CNTN5: variants seen among roughly 807,000 people sequenced by gnomAD.
CNTN5 encodes contactin-5.
Under a neutral mutation model 129.1 loss-of-function variants are expected in CNTN5, and 77 were observed. The observed-to-expected ratio is 0.60, with a 90% CI of 0.50 to 0.72. CNTN5 has a LOEUF of 0.72. Among genes scored for constraint, CNTN5 ranks in the 30% least tolerant of loss-of-function variants. The probability of loss-of-function intolerance (pLI) is 0.00; values close to 1 mark genes in which losing one functional copy is unlikely to be tolerated. For missense variants in CNTN5, 1,478 were observed against 1,328.8 expected, an observed-to-expected ratio of 1.11 and a Z score of -1.75; for synonymous variants, 509 against 465.6, an observed-to-expected ratio of 1.09 and a Z score of -1.20.
chr11:99,879,869 T>C (rs574526664), intron 6 of CNTN5, among the ~76,000 whole-genome samples: 1 of 152,326 alleles, frequency 6.6e-6, no homozygotes, highest in African/African-American at 2.4e-5. Flanking sequence ...AAGAAGTCTA[T>C]GTCCTTAACA....
intron 4 of CNTN5, among the ~76,000 whole-genome samples, chr11:99,841,313 C>T (rs1947482887): frequency 6.6e-6 from 1 of 152,102 alleles, no homozygotes; most frequent in Admixed American, 6.5e-5. Flanking sequence ...AATCTTACTT[C>T]TCTAGTTTTC....
chr11:99,671,270 G>A (rs1010943209), intron 3 of CNTN5, among the ~76,000 whole-genome samples: 9 of 151,830 alleles, frequency 5.9e-5, no homozygotes, highest in Non-Finnish European at 1.0e-4. Context: ...TATCTTGGTC[G>A]TTATGATATT....
chr11:100,053,839 C>G (rs2137758425), intron 9 of CNTN5, among the ~76,000 whole-genome samples: 1 of 151,900 alleles, frequency 6.6e-6, no homozygotes, highest in South Asian at 2.1e-4. Flanking sequence ...GATAAACAAA[C>G]TGTAGCATAT....
At chr11:99,593,880 A>T (rs372816405) in intron 3 of CNTN5, among the ~76,000 whole-genome samples, 179 of 152,340 alleles carry the variant, frequency 1.2e-3, no homozygotes, top group Middle Eastern at 6.8e-3. Context: ...GTGTAATGCC[A>T]AGATGAGATC....
intron 2 of CNTN5, among the ~76,000 whole-genome samples, chr11:99,409,423 G>A (rs776193782): frequency 2.4e-4 from 37 of 152,270 alleles, no homozygotes; most frequent in Admixed American, 1.3e-4. Context: ...AGCAAAGCCC[G>A]TGCTACTGCA....
At chr11:99,242,776 G>T (rs2135763478) in intron 1 of CNTN5, among the ~76,000 whole-genome samples, 1 of 152,172 alleles carries the variant, frequency 6.6e-6, no homozygotes, top group South Asian at 2.1e-4. Flanking sequence ...TAGGATAATG[G>T]CCTCCAGCTC....
chr11:99,375,038 C>T (rs1198574164), intron 2 of CNTN5, among the ~76,000 whole-genome samples: 3 of 152,110 alleles, frequency 2.0e-5, no homozygotes, highest in South Asian at 4.1e-4. Context: ...CGTGATGGTT[C>T]ACGCCTGTAA....
chr11:100,346,652 C>A (rs563782265), intron 23 of CNTN5, among the ~76,000 whole-genome samples: 73 of 152,200 alleles, frequency 4.8e-4, no homozygotes, highest in Middle Eastern at 3.4e-3. Flanking sequence ...CCTAGATATA[C>A]AACCCCTTCA....
chr11:99,922,365 G>A (rs7936107), intron 7 of CNTN5, among the ~76,000 whole-genome samples: 13,865 of 152,158 alleles, frequency 0.091, 1,342 homozygotes, highest in African/African-American at 0.24. Flanking sequence ...ATTTGAGTGG[G>A]GACACACCAA....
At chr11:99,754,105 G>C (rs182798119) in intron 3 of CNTN5, among the ~76,000 whole-genome samples, 27 of 152,296 alleles carry the variant, frequency 1.8e-4, no homozygotes, top group Admixed American at 1.6e-3. Context: ...ATAGGTAGTG[G>C]TGTAAGGCCA....
Position 100,053,858 on chromosome 11 carries a change from C to T in CNTN5, c.981-7354C>T, listed in dbSNP as rs114450478. Among the ~76,000 whole-genome samples the T allele has an allele frequency of 8.1e-3, 1,235 of 151,782 alleles. 13 individuals are homozygous for T. The highest frequency in any genetic ancestry group is 0.025 in the African/African-American group (1,044 of 41,498). ...AACAAACTGTAGCATATCCATATAT[C>T]GATATACTCCTCGGCGATTAAAAGG... is the stretch of plus-strand genomic sequence containing the variant. On this transcript the variant is annotated intron_variant, in intron 9 of 24. Coordinates refer to ENST00000524871, the MANE Select transcript of CNTN5 (RefSeq NM_014361.4).
intron 3 of CNTN5, among the ~76,000 whole-genome samples, chr11:99,801,959 C>T (rs540572726): frequency 6.6e-6 from 1 of 152,114 alleles, no homozygotes; most frequent in Non-Finnish European, 1.5e-5. Context: ...TTTTATGGTG[C>T]CAGAATTCTG....
intron 16 of CNTN5, 138 bp from the exon 17 acceptor site, chr11:100,255,622 G>C (rs993987754): frequency 1.4e-6 from 1 of 703,044 alleles, no homozygotes; most frequent in Non-Finnish European, 2.2e-6. Context: ...ATGACTTTTT[G>C]TTGTCAATTT....
intron 20 of CNTN5, among the ~76,000 whole-genome samples, chr11:100,306,752 C>T (rs1951359035): frequency 6.6e-6 from 1 of 151,496 alleles, no homozygotes; most frequent in East Asian, 1.9e-4. Context: ...GAAGATTTTT[C>T]CAGAATGCAT....
chr11:99,925,556 C>A (rs1950041785), intron 7 of CNTN5, among the ~76,000 whole-genome samples: 1 of 152,138 alleles, frequency 6.6e-6, no homozygotes, highest in African/African-American at 2.4e-5. Flanking sequence ...GCTGCTAAAT[C>A]TAAGCAACCC....
chr11:100,096,098 C>G (rs1434827585), intron 13 of CNTN5, among the ~76,000 whole-genome samples: 1 of 152,024 alleles, frequency 6.6e-6, no homozygotes, highest in Non-Finnish European at 1.5e-5. Flanking sequence ...GGATCCTTTG[C>G]TTGCTTTAGT....
intron 2 of CNTN5, among the ~76,000 whole-genome samples, chr11:99,442,832 T>A (rs1173033686): frequency 1.3e-5 from 2 of 152,182 alleles, no homozygotes; most frequent in African/African-American, 4.8e-5. Flanking sequence ...AACGAAGTGA[T>A]ACAAAACATG....
At chr11:99,625,025 T>G (rs1016643369) in intron 3 of CNTN5, among the ~76,000 whole-genome samples, 2 of 152,212 alleles carry the variant, frequency 1.3e-5, no homozygotes, top group Non-Finnish European at 2.9e-5. Context: ...TGATTTCCAT[T>G]TCATTCTGCC....
chr11:100,294,119 C>T (rs1318479265), intron 18 of CNTN5, among the ~76,000 whole-genome samples: 14 of 151,302 alleles, frequency 9.3e-5, no homozygotes, highest in African/African-American at 1.9e-4. Context: ...TCCCAGGTCT[C>T]GAAAAGAGCT....
Sources: gnomAD v4.1 joint callset for allele counts (sites outside exome capture counted in the v4.1 genomes callset) on GRCh38, gnomAD v4.1.1 for gene constraint, MANE v1.5 for transcripts, NCBI Gene and HGNC (gene_info 2026-07-23, HGNC 2026-07-21) for gene names.